The following MEF2C variants were observed in gnomAD, a reference collection of about 807,000 sequenced individuals.
The protein encoded by MEF2C is myocyte enhancer factor 2C, also known as myocyte-specific enhancer factor 2C.
MEF2C carries 6 observed loss-of-function variants against 50.5 expected under a neutral mutation model. That is an observed-to-expected ratio of 0.12 (90% CI 0.07 to 0.23). MEF2C has a LOEUF of 0.23. Ranked by LOEUF, MEF2C falls within the 10% of genes least tolerant of loss-of-function variation. MEF2C has a pLI of 1.00. For missense variants in MEF2C, 276 were observed against 605.0 expected, an observed-to-expected ratio of 0.46 and a Z score of 5.70; for synonymous variants, 183 against 228.0, an observed-to-expected ratio of 0.80 and a Z score of 1.78.
chr5:88,833,601 A>G (rs1332031088), intron 1 of MEF2C, among the ~76,000 whole-genome samples: 1 of 152,134 alleles, frequency 6.6e-6, no homozygotes, highest in Non-Finnish European at 1.5e-5. Flanking sequence ...AACCTCATCA[A>G]AGTAAGAGCT....
intron 2 of MEF2C, among the ~76,000 whole-genome samples, chr5:88,806,349 A>C (rs988505845): frequency 6.6e-6 from 1 of 152,118 alleles, no homozygotes; most frequent in Non-Finnish European, 1.5e-5. Flanking sequence ...CACCCAATGC[A>C]TGTCCTCCAG....
chr5:88,854,830 A>G (rs534160941), intron 1 of MEF2C, among the ~76,000 whole-genome samples: 1 of 152,354 alleles, frequency 6.6e-6, no homozygotes, highest in Admixed American at 6.5e-5. Context: ...TGTTTACTGA[A>G]GTCACAAAAG....
intron 10 of MEF2C, among the ~76,000 whole-genome samples, chr5:88,725,627 T>C (rs1758352988): frequency 6.6e-6 from 1 of 152,222 alleles, no homozygotes; most frequent in Non-Finnish European, 1.5e-5. Flanking sequence ...AAGTCCTCTA[T>C]GCAAATTTTC....
At chr5:88,791,139 A>G (rs1291021620) in intron 3 of MEF2C, among the ~76,000 whole-genome samples, 1 of 152,180 alleles carries the variant, frequency 6.6e-6, no homozygotes. Flanking sequence ...GATGATATCA[A>G]TGGCTAGAAT....
chr5:88,844,099 C>T (rs1450967089), intron 1 of MEF2C, among the ~76,000 whole-genome samples: 2 of 152,124 alleles, frequency 1.3e-5, no homozygotes, highest in African/African-American at 4.8e-5. Flanking sequence ...CATGAGCCAT[C>T]GCACCCCTGC....
intron 1 of MEF2C, among the ~76,000 whole-genome samples, chr5:88,845,370 C>T (rs970520083): frequency 2.6e-5 from 4 of 152,164 alleles, no homozygotes; most frequent in East Asian, 3.8e-4. Flanking sequence ...TGAAATATGA[C>T]GTAGAAGCAA....
At chr5:88,740,704 TC>T (rs1766266338) in intron 6 of MEF2C, 1 of 985,074 alleles carries the variant, frequency 1.0e-6, no homozygotes, top group South Asian at 4.7e-5. Flanking sequence ...CAAATATCAT[TC>T]TCCTTTGGGT....
At chr5:88,725,424 G>GA (rs978298963) in intron 10 of MEF2C, among the ~76,000 whole-genome samples, 28 of 152,022 alleles carry the variant, frequency 1.8e-4, no homozygotes, top group Non-Finnish European at 2.5e-4. Context: ...TTCTTGAAAA[G>GA]AAAAAAGTAG....
chr5:88,801,129 G>T (rs1242823295), intron 3 of MEF2C, among the ~76,000 whole-genome samples: 1 of 152,142 alleles, frequency 6.6e-6, no homozygotes, highest in East Asian at 1.9e-4. Flanking sequence ...CTGTGTAAAG[G>T]CTGGAAATTA....
At chr5:88,787,077 G>A (rs568072942) in intron 3 of MEF2C, among the ~76,000 whole-genome samples, 124 of 152,238 alleles carry the variant, frequency 8.1e-4, no homozygotes, top group African/African-American at 2.4e-3. Flanking sequence ...ACTGCTACTG[G>A]CCCTGGAGGG....
chr5:88,805,571 C>T (rs1800019640), intron 2 of MEF2C, among the ~76,000 whole-genome samples: 3 of 152,256 alleles, frequency 2.0e-5, no homozygotes, highest in Middle Eastern at 6.8e-3. Context: ...CTAGCAGCTT[C>T]CTGTCCTCGA....
intron 1 of MEF2C, among the ~76,000 whole-genome samples, chr5:88,855,214 T>C (rs1262725649): frequency 2.6e-5 from 4 of 152,246 alleles, no homozygotes; most frequent in Non-Finnish European, 5.9e-5. Flanking sequence ...CTAAGTGCTA[T>C]ATAGAATATA....
At chr5:88,844,967 T>C (rs1818776519) in intron 1 of MEF2C, among the ~76,000 whole-genome samples, 1 of 152,230 alleles carries the variant, frequency 6.6e-6, no homozygotes, top group South Asian at 2.1e-4. Flanking sequence ...TAAATGTCTA[T>C]GCCTTTCTTA....
chr5:88,891,236 C>A (rs1252795349), intron 1 of MEF2C, among the ~76,000 whole-genome samples: 1 of 152,092 alleles, frequency 6.6e-6, no homozygotes, highest in African/African-American at 2.4e-5. Flanking sequence ...TCTTAAAGAG[C>A]TAAAAAGCAT....
intron 1 of MEF2C, among the ~76,000 whole-genome samples, chr5:88,841,641 A>G (rs1244882518): frequency 6.6e-6 from 1 of 152,222 alleles, no homozygotes; most frequent in Non-Finnish European, 1.5e-5. Context: ...TAAGTCACAC[A>G]TACTTGTATT....
chr5:88,741,791 T>C, intron 6 of MEF2C: 1 of 985,112 alleles, frequency 1.0e-6, no homozygotes, highest in Middle Eastern at 5.2e-4. Flanking sequence ...AGGCATAATG[T>C]CTAGTAAAAT....
Position 88,760,858 on chromosome 5 carries a change from C to A in MEF2C, c.402+327G>T, listed in dbSNP as rs560990180. 1.0e-5 allele frequency: 10 copies of A among 1,003,630 alleles called. No individual in the cohort carries two copies. In the East Asian group the frequency reaches 2.3e-4, roughly 23 times the overall value. The allele number at this position is 1,003,630 out of a possible 1,614,324, so 62.2% of individuals were successfully genotyped here. On this transcript the variant is annotated intron_variant, in intron 4 of 10. Transcript: ENST00000504921. The stretch of plus-strand genomic sequence containing the variant: ...TAGGGTTTGCTTTCTAAATGAGCTG[C>A]CCGTGGGATGAGATGGCTATTTATC...
At chr5:88,819,266 A>G (rs1807098720) in intron 2 of MEF2C, 1 of 838,260 alleles carries the variant, frequency 1.2e-6, no homozygotes. Context: ...GCATCATGAC[A>G]TAATTTTAAA....
intron 1 of MEF2C, chr5:88,843,361 A>C (rs527582636): frequency 6.1e-6 from 6 of 985,168 alleles, no homozygotes; most frequent in Non-Finnish European, 7.2e-6. Flanking sequence ...CCCAAAAAAA[A>C]CCCTCAAAGG....
Sources: allele counts gnomAD v4.1 joint callset (sites outside exome capture counted in the v4.1 genomes callset), GRCh38; gene constraint gnomAD v4.1.1; transcripts MANE v1.5; gene names NCBI Gene and HGNC (gene_info 2026-07-23, HGNC 2026-07-21).